Variants in CTNNA3 observed in about 807,000 individuals in gnomAD.
The protein encoded by CTNNA3 is catenin alpha-3.
CTNNA3 carries 76 observed loss-of-function variants against 95.7 expected under a neutral mutation model. The ratio of observed to expected loss-of-function variants is 0.79; its 90% CI spans 0.66 to 0.96. The LOEUF is 0.96. Ranked by LOEUF, CTNNA3 falls within the 40% of genes least tolerant of loss-of-function variation. The pLI, the probability that CTNNA3 is intolerant of heterozygous loss-of-function variation, is 0.00. For synonymous variants in CTNNA3, 431 were observed against 374.4 expected, an observed-to-expected ratio of 1.15 and a Z score of -1.74; for missense variants, 1,191 against 1,089.8, an observed-to-expected ratio of 1.09 and a Z score of -1.31.
intron 13 of CTNNA3, among the ~76,000 whole-genome samples, chr10:66,169,127 C>A (rs1241582792): frequency 2.6e-5 from 4 of 152,106 alleles, no homozygotes; most frequent in African/African-American, 9.7e-5. Flanking sequence ...CACCCATCAC[C>A]TGAACAGTAC....
chr10:66,376,961 A>C (rs570789423), intron 12 of CTNNA3, among the ~76,000 whole-genome samples: 1 of 152,150 alleles, frequency 6.6e-6, no homozygotes, highest in Non-Finnish European at 1.5e-5. Flanking sequence ...TTTCATAGAC[A>C]ATGTCTCCAT....
chr10:66,093,120 C>T (rs2081272991), intron 14 of CTNNA3, among the ~76,000 whole-genome samples: 1 of 151,820 alleles, frequency 6.6e-6, no homozygotes, highest in South Asian at 2.1e-4. Flanking sequence ...TTTCAAGAAG[C>T]ATTTATTAAC....
chr10:67,120,042 G>GAATCAGAC (rs1859382739), intron 7 of CTNNA3, among the ~76,000 whole-genome samples: 1 of 151,942 alleles, frequency 6.6e-6, no homozygotes, highest in African/African-American at 2.4e-5. Flanking sequence ...CAACAAATCT[G>GAATCAGAC]AATCAGACCT....
chr10:66,133,011 C>T (rs747441924), intron 13 of CTNNA3, among the ~76,000 whole-genome samples: 4 of 151,820 alleles, frequency 2.6e-5, no homozygotes, highest in Non-Finnish European at 4.4e-5. Context: ...CACAGGTTTA[C>T]CTATATAACA....
intron 9 of CTNNA3, among the ~76,000 whole-genome samples, chr10:66,714,109 C>G (rs966116268): frequency 6.6e-6 from 1 of 152,004 alleles, no homozygotes; most frequent in African/African-American, 2.4e-5. Context: ...CCAAAATGAT[C>G]GAATCGTGAT....
chr10:67,638,822 T>C (rs1021999593), intron 2 of CTNNA3, among the ~76,000 whole-genome samples: 2 of 152,088 alleles, frequency 1.3e-5, no homozygotes, highest in African/African-American at 2.4e-5. Context: ...GAGAACAAGA[T>C]ACAACATACC....
At chr10:67,670,217 C>T (rs372095885) in intron 1 of CTNNA3, among the ~76,000 whole-genome samples, 14 of 152,162 alleles carry the variant, frequency 9.2e-5, no homozygotes, top group African/African-American at 3.4e-4. Flanking sequence ...GAAGGAAATC[C>T]TTTTCTCCCA....
At chr10:67,742,749 C>T (rs1202703063) in intron 1 of CTNNA3, among the ~76,000 whole-genome samples, 3 of 150,604 alleles carry the variant, frequency 2.0e-5, no homozygotes, top group African/African-American at 4.9e-5. Context: ...ATTGATAGAC[C>T]GCTAGCAAGA....
At chr10:65,944,411 A>G (rs1333769776) in intron 17 of CTNNA3, among the ~76,000 whole-genome samples, 1 of 152,228 alleles carries the variant, frequency 6.6e-6, no homozygotes, top group Non-Finnish European at 1.5e-5. Context: ...CGAAAATGCT[A>G]CATTGGAAAA....
rs902701841 is a variant in CTNNA3 at position 65,918,898 on chromosome 10, A to G, written c.*1432T>C. On this transcript the variant is annotated 3_prime_UTR_variant, in exon 18 of 18. Coordinates refer to ENST00000433211, the MANE Select transcript of CTNNA3 (RefSeq NM_013266.4). ...TACCCAAACTGGTTCTCCTAATATC[A>G]ACTGGTATTGTATGTGTAAATTTTT... The G allele has an allele frequency of 6.6e-6, 1 of 152,144 alleles. No individual in the cohort carries two copies. The highest frequency in any genetic ancestry group is 2.4e-5 in the African/African-American group (1 of 41,442). 9.4% of individuals were successfully genotyped at this position (152,144 alleles called of 1,614,324 possible). A position where few individuals can be genotyped will look rare whatever the true frequency, so the allele number is the denominator to read the frequency against.
At chr10:67,222,460 C>T (rs1864706762) in intron 5 of CTNNA3, among the ~76,000 whole-genome samples, 2 of 152,148 alleles carry the variant, frequency 1.3e-5, no homozygotes, top group Admixed American at 6.6e-5. Flanking sequence ...AGATTGAGTA[C>T]ATAGCACATC....
At chr10:66,611,363 G>A (rs2132286230) in intron 10 of CTNNA3, among the ~76,000 whole-genome samples, 2 of 152,052 alleles carry the variant, frequency 1.3e-5, no homozygotes, top group South Asian at 4.2e-4. Flanking sequence ...ATTACATATT[G>A]TTTATGTATC....
intron 1 of CTNNA3, among the ~76,000 whole-genome samples, chr10:67,732,018 G>A (rs1287123135): frequency 6.6e-6 from 1 of 151,144 alleles, no homozygotes; most frequent in African/African-American, 2.4e-5. Context: ...CTAACCTTAT[G>A]ATCCACCCAC....
intron 5 of CTNNA3, among the ~76,000 whole-genome samples, chr10:67,367,717 C>G (rs1843267982): frequency 1.3e-5 from 2 of 152,078 alleles, no homozygotes; most frequent in Admixed American, 1.3e-4. Flanking sequence ...TACAGTATGC[C>G]CATAAAAAAT....
At chr10:67,041,804 A>G (rs901540460) in intron 7 of CTNNA3, among the ~76,000 whole-genome samples, 2 of 152,178 alleles carry the variant, frequency 1.3e-5, no homozygotes, top group Admixed American at 6.5e-5. Context: ...CAGTAAGGAA[A>G]GAATGACAAT....
intron 16 of CTNNA3, among the ~76,000 whole-genome samples, chr10:65,987,635 T>C (rs2078455559): frequency 6.6e-6 from 1 of 151,868 alleles, no homozygotes; most frequent in African/African-American, 2.4e-5. Context: ...CTACTACTAA[T>C]AAACTAATAA....
chr10:67,543,016 A>T (rs991090418), intron 3 of CTNNA3, among the ~76,000 whole-genome samples: 1 of 152,080 alleles, frequency 6.6e-6, no homozygotes, highest in Non-Finnish European at 1.5e-5. Flanking sequence ...TGAATAGGAA[A>T]TTTCACTTTT....
intron 14 of CTNNA3, among the ~76,000 whole-genome samples, chr10:66,094,522 G>A (rs1030293516): frequency 6.6e-6 from 1 of 152,080 alleles, no homozygotes; most frequent in Admixed American, 6.6e-5. Context: ...TAGGTGAGAG[G>A]TGCCGGTGCC....
intron 9 of CTNNA3, among the ~76,000 whole-genome samples, chr10:66,653,256 C>A (rs1476183743): frequency 6.6e-6 from 1 of 151,990 alleles, no homozygotes; most frequent in Non-Finnish European, 1.5e-5. Context: ...CTGATACATT[C>A]AGAAAGTTGC....
Sources: allele counts gnomAD v4.1 joint callset (sites outside exome capture counted in the v4.1 genomes callset), GRCh38; gene constraint gnomAD v4.1.1; transcripts MANE v1.5; gene names NCBI Gene and HGNC (gene_info 2026-07-23, HGNC 2026-07-21).